Variants in GPD2 observed in about 807,000 individuals in gnomAD.
GPD2 encodes glycerol-3-phosphate dehydrogenase, mitochondrial.
Under a neutral mutation model 82.4 loss-of-function variants are expected in GPD2, and 54 were observed. The observed-to-expected ratio is 0.66, with a 90% CI of 0.53 to 0.82. The LOEUF is 0.82. Ranked by LOEUF, GPD2 falls within the 40% of genes least tolerant of loss-of-function variation. GPD2 has a pLI of 0.00. For missense variants in GPD2, 748 were observed against 896.2 expected, an observed-to-expected ratio of 0.83 and a Z score of 2.11; for synonymous variants, 288 against 306.1, an observed-to-expected ratio of 0.94 and a Z score of 0.62.
At chr2:156,503,204 T>C (rs1684656555) in intron 3 of GPD2, among the ~76,000 whole-genome samples, 1 of 152,194 alleles carries the variant, frequency 6.6e-6, no homozygotes. Context: ...AGGCAGAGAC[T>C]TTCTTCAGTC....
chr2:156,546,854 G>T (rs2105330199), intron 6 of GPD2, among the ~76,000 whole-genome samples: 1 of 152,278 alleles, frequency 6.6e-6, no homozygotes. Flanking sequence ...ACTTACTGAA[G>T]TCTGAAATTT....
At chr2:156,455,551 C>G (rs1682761861) in intron 1 of GPD2, among the ~76,000 whole-genome samples, 1 of 152,174 alleles carries the variant, frequency 6.6e-6, no homozygotes, top group Admixed American at 6.5e-5. Context: ...ACCCTATGCC[C>G]TAGTCAGACC....
chr2:156,530,048 A>G lies in GPD2; in HGVS notation c.661+16552A>G, dbSNP rs1298902965. Among the ~76,000 whole-genome samples the G allele has an allele frequency of 2.7e-5, 4 of 150,120 alleles. No homozygotes were observed. In the East Asian group the frequency reaches 5.9e-4, roughly 22 times the overall value. ...CTTGGGCAGTATGGCCATTTTCACT[A>G]TATTGATTCTTCCTACCCATGAGCA... On this transcript the variant is annotated intron_variant, in intron 6 of 16. Transcript: ENST00000438166.
At chr2:156,515,522 A>C (rs1044187931) in intron 6 of GPD2, among the ~76,000 whole-genome samples, 6 of 152,206 alleles carry the variant, frequency 3.9e-5, no homozygotes, top group African/African-American at 1.4e-4. Flanking sequence ...TTGATTCTAC[A>C]TGGAGAAGCC....
chr2:156,476,869 A>G (rs1236282617), intron 2 of GPD2, among the ~76,000 whole-genome samples: 1 of 152,180 alleles, frequency 6.6e-6, no homozygotes, highest in Non-Finnish European at 1.5e-5. Context: ...CAACCACCGT[A>G]GTAGTTAGTA....
At chr2:156,478,434 C>G (rs1196594048) in intron 2 of GPD2, among the ~76,000 whole-genome samples, 1 of 152,036 alleles carries the variant, frequency 6.6e-6, no homozygotes, top group East Asian at 1.9e-4. Flanking sequence ...ATTCCTGTCC[C>G]TTTAAGATAC....
chr2:156,525,840 TA>T (rs1208613730), intron 6 of GPD2, among the ~76,000 whole-genome samples: 1 of 152,194 alleles, frequency 6.6e-6, no homozygotes, highest in Non-Finnish European at 1.5e-5. Context: ...TAAAGTGTTT[TA>T]AAGTAAAAAA....
At chr2:156,482,843 G>A (rs1683785028) in intron 2 of GPD2, among the ~76,000 whole-genome samples, 4 of 152,130 alleles carry the variant, frequency 2.6e-5, no homozygotes, top group South Asian at 2.1e-4. Flanking sequence ...TGATGTGTTA[G>A]GTGAGTTGAA....
intron 6 of GPD2, among the ~76,000 whole-genome samples, chr2:156,547,490 A>G (rs1686590171): frequency 1.3e-5 from 2 of 152,344 alleles, no homozygotes; most frequent in South Asian, 2.1e-4. Context: ...AGTATGAACC[A>G]TGGCAGACGA....
chr2:156,468,676 T>C (rs1207681486), intron 1 of GPD2, among the ~76,000 whole-genome samples: 6 of 152,190 alleles, frequency 3.9e-5, no homozygotes, highest in African/African-American at 1.4e-4. Flanking sequence ...GGATCGCTTT[T>C]ATTTATTTTT....
At chr2:156,461,700 C>T (rs1461415648) in intron 1 of GPD2, among the ~76,000 whole-genome samples, 1 of 152,186 alleles carries the variant, frequency 6.6e-6, no homozygotes, top group South Asian at 2.1e-4. Flanking sequence ...ATCCTCTAAC[C>T]TATTATTTCA....
intron 8 of GPD2, 56 bp downstream of exon 8, chr2:156,550,802 G>C: frequency 6.9e-7 from 1 of 1,439,854 alleles, no homozygotes; most frequent in Non-Finnish European, 9.8e-7. Context: ...AGCAGAGATT[G>C]TCTGGTTTAT....
the GPD2 span, among the ~76,000 whole-genome samples, chr2:156,419,153 G>C: frequency 5.6e-5 from 8 of 143,426 alleles, no homozygotes; most frequent in Non-Finnish European, 1.0e-4. Context: ...TCTGCCTCCC[G>C]GGTTCAAGAG....
chr2:156,500,117 A>G (rs1191638855), intron 3 of GPD2, among the ~76,000 whole-genome samples: 1 of 152,086 alleles, frequency 6.6e-6, no homozygotes, highest in Non-Finnish European at 1.5e-5. Context: ...TAATTTTTAC[A>G]GTTAACAGTA....
intron 1 of GPD2, among the ~76,000 whole-genome samples, chr2:156,470,736 GTTCT>G (rs1051898681): frequency 6.6e-5 from 10 of 152,182 alleles, no homozygotes; most frequent in Admixed American, 3.3e-4. Context: ...GTGAGGAGTT[GTTCT>G]TTGTTAAAAG....
intron 6 of GPD2, among the ~76,000 whole-genome samples, chr2:156,532,882 G>C (rs1685920487): frequency 6.6e-6 from 1 of 152,176 alleles, no homozygotes; most frequent in South Asian, 2.1e-4. Context: ...AGGATTAGTT[G>C]CCATAAAAGT....
chr2:156,546,825 G>C (rs915883562), intron 6 of GPD2, among the ~76,000 whole-genome samples: 1 of 152,158 alleles, frequency 6.6e-6, no homozygotes, highest in African/African-American at 2.4e-5. Flanking sequence ...TTATGTCTCT[G>C]TCACATTTCT....
In GPD2 at chr2:156,549,736, C is replaced by T. The variant is rs137915333; in HGVS notation, c.790C>T (p.Arg264Cys). ...GACAGACCCCCAGACAGGGAAAGTG[C>T]GTGTGAGCGGCGCACGGTGCAAGGA... ...KKTDPQTGKVRVSGARCKDVL... is the reference protein window; with the variant it reads ...KKTDPQTGKVCVSGARCKDVL... The change falls in exon 7 of 17, where the codon CGT becomes TGT. Residue 264 changes from arginine to cysteine, a missense_variant. Physicochemically the swap from Arg to Cys is radical, Grantham distance 180 (BLOSUM62 -3). Transcript: ENST00000438166. 6.8e-6 allele frequency: 11 copies of T among 1,613,914 alleles called. No individual in the cohort carries two copies. The African/African-American group carries it at 9.3e-5, about 14-fold the overall frequency.
At chr2:156,450,548 A>G (rs1164524507) in intron 1 of GPD2, among the ~76,000 whole-genome samples, 1 of 152,134 alleles carries the variant, frequency 6.6e-6, no homozygotes. Flanking sequence ...TAGAGATTAC[A>G]TTTGGTGAAA....
Sources: gnomAD v4.1 joint callset for allele counts (sites outside exome capture counted in the v4.1 genomes callset) on GRCh38, gnomAD v4.1.1 for gene constraint, MANE v1.5 for transcripts, NCBI Gene and HGNC (gene_info 2026-07-23, HGNC 2026-07-21) for gene names.